The following BMP7 variants were observed in gnomAD, a reference collection of about 807,000 sequenced individuals.
The protein encoded by BMP7 is osteogenic protein 1.
In BMP7, 12 loss-of-function variants were observed where a neutral mutation model predicts 41.2. That is an observed-to-expected ratio of 0.29 (90% CI 0.19 to 0.47). The LOEUF (loss-of-function observed/expected upper bound fraction) is 0.47, where lower values mean the gene tolerates loss of function less well. Among genes scored for constraint, BMP7 ranks in the 20% least tolerant of loss-of-function variants. The probability of loss-of-function intolerance (pLI) is 0.99; values close to 1 mark genes in which losing one functional copy is unlikely to be tolerated. For synonymous variants in BMP7, 248 were observed against 250.0 expected, an observed-to-expected ratio of 0.99 and a Z score of 0.07; for missense variants, 467 against 606.0, an observed-to-expected ratio of 0.77 and a Z score of 2.41.
chr20:57,251,883 G>A (rs572979462), intron 1 of BMP7, among the ~76,000 whole-genome samples: 6 of 152,268 alleles, frequency 3.9e-5, no homozygotes, highest in African/African-American at 1.4e-4. Context: ...GCAGTGAGCC[G>A]GGATCGCGCC....
intron 1 of BMP7, among the ~76,000 whole-genome samples, chr20:57,251,300 G>A (rs1034394224): frequency 2.0e-5 from 3 of 152,200 alleles, no homozygotes; most frequent in Non-Finnish European, 4.4e-5. Context: ...GCCTGAGTCG[G>A]GGAGGTGGGG....
At chr20:57,241,252 A>C (rs144111700) in intron 1 of BMP7, among the ~76,000 whole-genome samples, 1 of 152,286 alleles carries the variant, frequency 6.6e-6, no homozygotes, top group African/African-American at 2.4e-5. Flanking sequence ...TCTGAGCTGA[A>C]CCATGCTCTG....
intron 1 of BMP7, among the ~76,000 whole-genome samples, chr20:57,251,762 T>C (rs765169271): frequency 1.3e-4 from 20 of 152,246 alleles, no homozygotes; most frequent in Non-Finnish European, 2.1e-4. Context: ...GTTGAAACCC[T>C]GTCTCCACTA....
intron 1 of BMP7, among the ~76,000 whole-genome samples, chr20:57,237,874 G>C (rs2066053738): frequency 6.6e-6 from 1 of 152,260 alleles, no homozygotes; most frequent in Non-Finnish European, 1.5e-5. Flanking sequence ...AGCTCACTTA[G>C]ATTGCAGCCC....
intron 1 of BMP7, among the ~76,000 whole-genome samples, chr20:57,253,043 G>T (rs895992538): frequency 6.6e-5 from 10 of 152,138 alleles, no homozygotes; most frequent in Admixed American, 5.9e-4. Flanking sequence ...GTACTAAAAA[G>T]GGCACTTCCA....
intron 1 of BMP7, among the ~76,000 whole-genome samples, chr20:57,263,276 G>A (rs978210658): frequency 6.6e-6 from 1 of 152,230 alleles, no homozygotes; most frequent in Admixed American, 6.5e-5. Flanking sequence ...TGATTAAGAG[G>A]CTCAGACAAG....
intron 2 of BMP7, among the ~76,000 whole-genome samples, chr20:57,204,265 G>A (rs1984685812): frequency 6.6e-6 from 1 of 152,144 alleles, no homozygotes; most frequent in Non-Finnish European, 1.5e-5. Context: ...GTTGGCTCCA[G>A]CCCCCAGCTC....
intron 2 of BMP7, among the ~76,000 whole-genome samples, chr20:57,207,606 C>T (rs1434366894): frequency 6.6e-6 from 1 of 151,836 alleles, no homozygotes; most frequent in Non-Finnish European, 1.5e-5. Flanking sequence ...CAGAGCCCTG[C>T]ACAGCCGCTT....
chr20:57,190,413 CGTG>C (rs1984327769), intron 3 of BMP7, among the ~76,000 whole-genome samples: 3 of 18,932 alleles, frequency 1.6e-4, no homozygotes, highest in Non-Finnish European at 1.9e-4. Flanking sequence ...GGCTGGAGAG[CGTG>C]AGTGAGGAGC....
At chr20:57,194,436 G>A (rs1266375059) in intron 3 of BMP7, among the ~76,000 whole-genome samples, 1 of 152,098 alleles carries the variant, frequency 6.6e-6, no homozygotes, top group Non-Finnish European at 1.5e-5. Context: ...AGGCAAAAAC[G>A]AACGCCTGAC....
rs1162019468 is a variant in BMP7 at position 57,174,457 on chromosome 20, A to G, written c.1035+474T>C. 1.3e-5 allele frequency among the ~76,000 whole-genome samples: 2 copies of G among 152,158 alleles called. No homozygotes were observed. Among genetic ancestry groups the G allele is most frequent in the African/African-American group, 4.8e-5 (2 of 41,428 alleles). ...CCATGCAAATGGCTCCAGAGGGGGC[A>G]GCCATGTGCCAGTAACATGACCCCA... On this transcript the variant is annotated intron_variant, in intron 5 of 6. Transcript: ENST00000395863. The surrounding 1 kb of genome is among the most constrained non-coding windows in gnomAD (Gnocchi z 4.3).
rs1214765589 is a variant in BMP7 at position 57,174,153 on chromosome 20, C to A, written c.1035+778G>T. Among the ~76,000 whole-genome samples the A allele has an allele frequency of 1.3e-5, 2 of 152,126 alleles. No homozygotes were observed. Among genetic ancestry groups the A allele is most frequent in the Non-Finnish European group, 2.9e-5 (2 of 68,022 alleles). ...CTGGGCATAATCCCCAGGGAAGATT[C>A]TGGACTCTCCCACTGAACTACAAGC... On this transcript the variant is annotated intron_variant, in intron 5 of 6. Coordinates refer to ENST00000395863, the MANE Select transcript of BMP7 (RefSeq NM_001719.3). This position sits in a 1 kb window ranked among gnomAD's most constrained non-coding sequence, Gnocchi z 4.3.
chr20:57,264,011 T>C (rs1370741907), intron 1 of BMP7, among the ~76,000 whole-genome samples: 2 of 152,198 alleles, frequency 1.3e-5, no homozygotes, highest in African/African-American at 4.8e-5. Context: ...TTCCACCTCA[T>C]ACATCTTGGA....
rs890252298 is a variant in BMP7, at chr20:57,213,537, C to T, written c.612-10914G>A. On this transcript the variant is annotated intron_variant, in intron 2 of 6. Coordinates refer to ENST00000395863, the MANE Select transcript of BMP7 (RefSeq NM_001719.3). The surrounding 1 kb of genome is among the most constrained non-coding windows in gnomAD (Gnocchi z 4.4). ...AGAAATGTCTGCTCCGGCAATGGAG[C>T]GCAGTAACGAGCCGTTCAAACTTGT... 1.3e-5 allele frequency among the ~76,000 whole-genome samples: 2 copies of T among 152,280 alleles called. No individual in the cohort carries two copies. The highest frequency in any genetic ancestry group is 2.4e-5 in the African/African-American group (1 of 41,550).
chr20:57,180,293 C>G (rs1427433472), intron 4 of BMP7, among the ~76,000 whole-genome samples: 2 of 143,182 alleles, frequency 1.4e-5, no homozygotes, highest in Non-Finnish European at 3.0e-5. Flanking sequence ...CACCCTCACT[C>G]CCCTCCCCTG....
In BMP7 at chr20:57,206,691, T is replaced by C. The variant is rs137928350; in HGVS notation, c.612-4068A>G. Among the ~76,000 whole-genome samples, 1,470 of 152,304 alleles carry C rather than the reference T, an allele frequency of 9.7e-3. 14 individuals are homozygous for C. Among genetic ancestry groups the C allele is most frequent in the Middle Eastern group, 0.027 (8 of 294 alleles). On this transcript the variant is annotated intron_variant, in intron 2 of 6. Transcript: ENST00000395863. ...TTCCTCTTATGTAAAATGAGAATAA[T>C]GCCATCTTCTTCAATGATTAGGAAG...
At chr20:57,237,734 G>A (rs571122430) in intron 1 of BMP7, among the ~76,000 whole-genome samples, 2 of 152,148 alleles carry the variant, frequency 1.3e-5, no homozygotes, top group Non-Finnish European at 1.5e-5. Context: ...ACAGAACATC[G>A]CCTAGAAGTT....
chr20:57,265,968 C>T lies in BMP7; in HGVS notation c.155G>A (p.Arg52Gln). Residue 52 changes from arginine (R) to glutamine (Q), a missense_variant, in exon 1 of 7, where the codon CGG becomes CAG. Physicochemically the swap from Arg to Gln is conservative, Grantham distance 43. Coordinates refer to ENST00000395863, the MANE Select transcript of BMP7 (RefSeq NM_001719.3). ...IHRRLRSQER[R>Q]EMQREILSIL... ...GGAGAGGATCTCGCGCTGCATCTCC[C>T]GCCGCTCCTGGCTGCGGAGGCGCCG... The T allele has an allele frequency of 6.4e-7, 1 of 1,551,648 alleles. No individual in the cohort carries two copies. Among genetic ancestry groups the T allele is most frequent in the Non-Finnish European group, 8.7e-7 (1 of 1,147,416 alleles).
At chr20:57,262,118 G>C (rs2066156453) in intron 1 of BMP7, among the ~76,000 whole-genome samples, 1 of 152,276 alleles carries the variant, frequency 6.6e-6, no homozygotes, top group African/African-American at 2.4e-5. Flanking sequence ...CTCCCCTAGT[G>C]CCAGCCGGCT....
Sources: allele counts gnomAD v4.1 joint callset (sites outside exome capture counted in the v4.1 genomes callset), GRCh38; gene constraint gnomAD v4.1.1; non-coding constraint Gnocchi (gnomAD v3.1); transcripts MANE v1.5; gene names NCBI Gene and HGNC (gene_info 2026-07-23, HGNC 2026-07-21).